Variants in EXOC6B observed in about 807,000 individuals in gnomAD.
EXOC6B encodes the protein SEC15 homolog B.
EXOC6B carries 54 observed loss-of-function variants against 113.5 expected under a neutral mutation model. The ratio of observed to expected loss-of-function variants is 0.48; its 90% CI spans 0.38 to 0.60. The LOEUF is 0.60. Ranked by LOEUF, EXOC6B falls within the 20% of genes least tolerant of loss-of-function variation. The probability of loss-of-function intolerance (pLI) is 0.00; values close to 1 mark genes in which losing one functional copy is unlikely to be tolerated. For synonymous variants in EXOC6B, 357 were observed against 339.0 expected, an observed-to-expected ratio of 1.05 and a Z score of -0.58; for missense variants, 797 against 977.5, an observed-to-expected ratio of 0.82 and a Z score of 2.46.
At chr2:72,344,053 T>A (rs1689176133) in intron 19 of EXOC6B, among the ~76,000 whole-genome samples, 1 of 152,196 alleles carries the variant, frequency 6.6e-6, no homozygotes, top group African/African-American at 2.4e-5. Flanking sequence ...CTCGGGGACT[T>A]CCAAATGGCT....
At chr2:72,480,837 A>C in intron 16 of EXOC6B, 87 bp from the exon 17 acceptor site, 1 of 1,324,176 alleles carries the variant, frequency 7.6e-7, no homozygotes, top group Non-Finnish European at 1.0e-6. Flanking sequence ...TACAAAACAA[A>C]TGTAAGGCAT....
intron 8 of EXOC6B, among the ~76,000 whole-genome samples, chr2:72,553,228 C>T (rs1317800027): frequency 6.6e-6 from 1 of 151,988 alleles, no homozygotes; most frequent in Admixed American, 6.6e-5. Flanking sequence ...AAAACCACAA[C>T]AAAAACTAAG....
At chr2:72,287,327 A>G (rs1488547098) in intron 20 of EXOC6B, among the ~76,000 whole-genome samples, 1 of 151,542 alleles carries the variant, frequency 6.6e-6, no homozygotes, top group Non-Finnish European at 1.5e-5. Flanking sequence ...GCTACTAGGG[A>G]GGCTGAGGCA....
chr2:72,659,625 C>CAGTG (rs1558890837), intron 6 of EXOC6B, among the ~76,000 whole-genome samples: 5 of 152,042 alleles, frequency 3.3e-5, no homozygotes, highest in African/African-American at 1.2e-4. Context: ...ATTGCAGTGA[C>CAGTG]CACAGTGTTG....
chr2:72,785,999 G>A (rs891421324), intron 1 of EXOC6B, among the ~76,000 whole-genome samples: 2 of 152,184 alleles, frequency 1.3e-5, no homozygotes, highest in Non-Finnish European at 2.9e-5. Flanking sequence ...CAAGACAGGA[G>A]AATGGCTTAA....
intron 18 of EXOC6B, among the ~76,000 whole-genome samples, chr2:72,409,397 G>T (rs982125287): frequency 5.3e-5 from 8 of 152,110 alleles, no homozygotes; most frequent in Non-Finnish European, 1.0e-4. Context: ...AAATCATGCT[G>T]CTATAAAGAC....
At chr2:72,573,988 C>A (rs1240656788) in intron 7 of EXOC6B, among the ~76,000 whole-genome samples, 2 of 151,806 alleles carry the variant, frequency 1.3e-5, no homozygotes, top group Non-Finnish European at 1.5e-5. Context: ...TGGTGGCGGG[C>A]GCCTGTAGTC....
At chr2:72,444,376 C>T (rs1378712416) in intron 18 of EXOC6B, among the ~76,000 whole-genome samples, 2 of 152,174 alleles carry the variant, frequency 1.3e-5, no homozygotes, top group Non-Finnish European at 2.9e-5. Context: ...TTTCCAGCTG[C>T]ACAGTGCAAG....
chr2:72,755,774 A>C (rs1180029736), intron 1 of EXOC6B, among the ~76,000 whole-genome samples: 2 of 152,168 alleles, frequency 1.3e-5, no homozygotes, highest in African/African-American at 4.8e-5. Flanking sequence ...AAACTGCAAC[A>C]AGACCTGGCT....
At chr2:72,514,472 T>A (rs996668376) in intron 10 of EXOC6B, among the ~76,000 whole-genome samples, 162 bp downstream of exon 10, 2 of 151,150 alleles carry the variant, frequency 1.3e-5, no homozygotes, top group African/African-American at 4.9e-5. Flanking sequence ...AAAACAAATC[T>A]TGTCTTAAGG....
chr2:72,631,424 GTGTATATATATATA>G (rs769315753), intron 6 of EXOC6B, among the ~76,000 whole-genome samples: 1,081 of 22,214 alleles, frequency 0.049, 140 homozygotes, highest in Middle Eastern at 0.089. Flanking sequence ...GTGTGTGTGT[GTGTATATATATATA>G]TATATATATA....
intron 1 of EXOC6B, among the ~76,000 whole-genome samples, chr2:72,787,038 C>A (rs1684413221): frequency 6.6e-6 from 1 of 151,982 alleles, no homozygotes; most frequent in South Asian, 2.1e-4. Context: ...AATCTGATCA[C>A]AAAGAAATCT....
At chr2:72,183,964 C>T in intron 21 of EXOC6B, 111 bp downstream of exon 21, 1 of 602,612 alleles carries the variant, frequency 1.7e-6, no homozygotes, top group Non-Finnish European at 3.0e-6. Flanking sequence ...TGGCAACTTC[C>T]AGAACAAGGC....
At chr2:72,761,543 G>C (rs1018515830) in intron 1 of EXOC6B, among the ~76,000 whole-genome samples, 4 of 151,774 alleles carry the variant, frequency 2.6e-5, no homozygotes. Flanking sequence ...GTTCAAAATA[G>C]ATCAAACTAA....
At chr2:72,445,919 T>A (rs1696545878) in intron 18 of EXOC6B, among the ~76,000 whole-genome samples, 1 of 152,106 alleles carries the variant, frequency 6.6e-6, no homozygotes, top group Non-Finnish European at 1.5e-5. Context: ...ATTAGAGAAA[T>A]ACAAATCAAA....
chr2:72,283,572 G>C (rs1332092805), intron 20 of EXOC6B, among the ~76,000 whole-genome samples: 3 of 152,124 alleles, frequency 2.0e-5, no homozygotes, highest in Non-Finnish European at 4.4e-5. Context: ...AGGAGTAGGG[G>C]GAGGGGCATG....
At chr2:72,711,937 AT>A (rs1679299067) in intron 6 of EXOC6B, among the ~76,000 whole-genome samples, 1 of 152,198 alleles carries the variant, frequency 6.6e-6, no homozygotes, top group Admixed American at 6.5e-5. Flanking sequence ...TCCATTTAAT[AT>A]TTTTGAACTG....
intron 6 of EXOC6B, among the ~76,000 whole-genome samples, chr2:72,617,098 A>G (rs973404247): frequency 6.6e-6 from 1 of 152,330 alleles, no homozygotes. Flanking sequence ...TAAAGCTCCA[A>G]AATGATCTCC....
chr2:72,185,425 T>G lies in EXOC6B; in HGVS notation c.2197-1238A>C, dbSNP rs369302136. ...CTCCACTTCATCCAGTTTCTTAGAA[T>G]AGCTGTTATGAACTTCCTGAAGCAG... is the stretch of plus-strand genomic sequence containing the variant. On this transcript the variant is annotated intron_variant, in intron 20 of 21. Coordinates refer to ENST00000272427, the MANE Select transcript of EXOC6B (RefSeq NM_015189.3). Among the ~76,000 whole-genome samples, 17 of 152,368 alleles carry G rather than the reference T, an allele frequency of 1.1e-4. 1 individual carries two copies. The highest frequency in any genetic ancestry group is 4.1e-4 in the African/African-American group (17 of 41,590).
Sources: allele counts gnomAD v4.1 joint callset (sites outside exome capture counted in the v4.1 genomes callset), GRCh38; gene constraint gnomAD v4.1.1; transcripts MANE v1.5; gene names NCBI Gene and HGNC (gene_info 2026-07-23, HGNC 2026-07-21).